Variants in STIM2 observed in about 807,000 individuals in gnomAD.
STIM2 encodes the protein stromal interaction molecule 2.
STIM2 carries 31 observed loss-of-function variants against 85.8 expected under a neutral mutation model. The ratio of observed to expected loss-of-function variants is 0.36; its 90% confidence interval spans 0.27 to 0.49. STIM2 has a LOEUF of 0.49. Ranked by LOEUF, STIM2 falls within the 20% of genes least tolerant of loss-of-function variation. The probability of loss-of-function intolerance (pLI) is 0.98; values close to 1 mark genes in which losing one functional copy is unlikely to be tolerated. For synonymous variants in STIM2, 356 were observed against 331.1 expected (o/e 1.08, Z -0.82); for missense variants, 841 against 927.6 (o/e 0.91, Z 1.21).
At chr4:26,907,614 A>C (rs1165542515) in intron 1 of STIM2, among the ~76,000 whole-genome samples, 1 of 152,160 alleles carries the variant, frequency 6.6e-6, no homozygotes, top group Non-Finnish European at 1.5e-5. Flanking sequence ...ACACTTTGCA[A>C]CTGTGCATTA....
intron 5 of STIM2, among the ~76,000 whole-genome samples, chr4:27,000,370 C>T: frequency 6.6e-6 from 1 of 152,130 alleles, no homozygotes; most frequent in East Asian, 1.9e-4. Context: ...GGAAATAGAA[C>T]ACTACTGAAA....
intron 1 of STIM2, among the ~76,000 whole-genome samples, chr4:26,881,079 A>G (rs1331376717): frequency 6.6e-6 from 1 of 152,146 alleles, no homozygotes; most frequent in Non-Finnish European, 1.5e-5. Context: ...CTAAACCTCA[A>G]GGTGATGGTG....
intron 1 of STIM2, among the ~76,000 whole-genome samples, chr4:26,871,035 G>A (rs1722591927): frequency 6.6e-6 from 1 of 152,096 alleles, no homozygotes; most frequent in Non-Finnish European, 1.5e-5. Flanking sequence ...GATTATTATA[G>A]GCATTGACAT....
chr4:26,922,209 CTGTT>C (rs1161921558), intron 2 of STIM2, among the ~76,000 whole-genome samples: 1 of 151,800 alleles, frequency 6.6e-6, no homozygotes, highest in Non-Finnish European at 1.5e-5. Flanking sequence ...CTCCTTTTCT[CTGTT>C]TGTATTATAT....
In STIM2 at chr4:27,022,715, G is replaced by T. The variant is rs1410686511; in HGVS notation, c.1960G>T (p.Val654Leu). 6.2e-7 allele frequency: 1 copy of T among 1,614,242 alleles called. No homozygotes were observed. Among genetic ancestry groups the T allele is most frequent in the African/African-American group, 1.3e-5 (1 of 75,056 alleles). Residue 654 changes from valine (V) to leucine (L), a missense_variant, in exon 12 of 12, where the codon GTA becomes TTA. Physicochemically the swap from Val to Leu is conservative, Grantham distance 32 (BLOSUM62 1). Transcript: ENST00000467087. ...TGTGTCTTGGGGTTCTCCCGACTGT[G>T]TAGGTCTGACAGAAACTAAGAGTAT...
chr4:26,901,798 C>G (rs1357359907), intron 1 of STIM2, among the ~76,000 whole-genome samples: 1 of 152,138 alleles, frequency 6.6e-6, no homozygotes, highest in Non-Finnish European at 1.5e-5. Flanking sequence ...AGGTCTGACT[C>G]CAGACTTGGT....
At chr4:26,878,814 A>G (rs986177116) in intron 1 of STIM2, among the ~76,000 whole-genome samples, 1 of 152,160 alleles carries the variant, frequency 6.6e-6, no homozygotes, top group African/African-American at 2.4e-5. Context: ...CACATCTTAC[A>G]TGGTGGCAGG....
chr4:27,018,468 GTCTCTCTGA>G (rs1181411333), intron 11 of STIM2, among the ~76,000 whole-genome samples: 1 of 152,082 alleles, frequency 6.6e-6, no homozygotes, highest in East Asian at 1.9e-4. Context: ...TCCAACTTCC[GTCTCTCTGA>G]TCTCTAGACT....
rs185408326 is a variant in STIM2 at position 26,989,141 on chromosome 4, G to T, written c.398-6238G>T. Among the ~76,000 whole-genome samples the T allele has an allele frequency of 5.2e-3, 785 of 152,194 alleles. 8 individuals are homozygous for T. Among genetic ancestry groups the T allele is most frequent in the African/African-American group, 0.018 (762 of 41,512 alleles). The stretch of plus-strand genomic sequence containing the variant: ...GTAGAGACAGGGTTTTGCCATGTTG[G>T]CCAGGCTGGTCTCGAACTCCTGTCC... On this transcript the variant is annotated intron_variant, in intron 3 of 11. Transcript: ENST00000467087.
chr4:26,964,402 G>A (rs779596193), intron 3 of STIM2, among the ~76,000 whole-genome samples: 8 of 152,122 alleles, frequency 5.3e-5, no homozygotes, highest in Non-Finnish European at 8.8e-5. Flanking sequence ...AGCTACTATA[G>A]CTTCTTGCTT....
At chr4:26,896,985 A>T (rs1169358752) in intron 1 of STIM2, among the ~76,000 whole-genome samples, 1 of 152,226 alleles carries the variant, frequency 6.6e-6, no homozygotes, top group Non-Finnish European at 1.5e-5. Flanking sequence ...TTCATTCAGC[A>T]TAATACTCTT....
At chr4:26,971,899 G>A (rs891578921) in intron 3 of STIM2, among the ~76,000 whole-genome samples, 11 of 152,022 alleles carry the variant, frequency 7.2e-5, no homozygotes, top group African/African-American at 2.7e-4. Flanking sequence ...ATTTGTTTGT[G>A]TCCTCTTTTA....
chr4:27,008,343 C>A (rs1188643184), intron 8 of STIM2, 85 bp from the exon 9 acceptor site: 2 of 768,210 alleles, frequency 2.6e-6, no homozygotes, highest in Non-Finnish European at 2.0e-6. Context: ...TATTCAAAAC[C>A]AAAACAAACT....
chr4:26,993,791 G>A (rs1022951683), intron 3 of STIM2, among the ~76,000 whole-genome samples: 1 of 152,052 alleles, frequency 6.6e-6, no homozygotes, highest in Non-Finnish European at 1.5e-5. Context: ...TATCTTTACT[G>A]TTATTTAGTA....
intron 2 of STIM2, among the ~76,000 whole-genome samples, chr4:26,930,517 A>C (rs1725167927): frequency 6.6e-6 from 1 of 152,124 alleles, no homozygotes; most frequent in Admixed American, 6.6e-5. Context: ...TATAAAACAA[A>C]ATCAACTTTA....
Position 26,860,949 on chromosome 4 carries a change from C to G in STIM2, c.-270C>G. ...CTTTTTTTTTTTTTTTTTTAAATAA[C>G]CGGAACCAATGAACGCAGCCGGGAT... On this transcript the variant is annotated 5_prime_UTR_variant, in exon 1 of 12. Coordinates refer to ENST00000467087, the MANE Select transcript of STIM2 (RefSeq NM_020860.4). The G allele has an allele frequency of 8.3e-7, 1 of 1,200,456 alleles. No individual in the cohort carries two copies. The highest frequency in any genetic ancestry group is 1.0e-6 in the Non-Finnish European group (1 of 954,086). 74.4% of individuals were successfully genotyped at this position (1,200,456 alleles called of 1,614,324 possible). A position where few individuals can be genotyped will look rare whatever the true frequency, so the allele number is the denominator to read the frequency against.
chr4:26,969,966 C>T (rs1726869117), intron 3 of STIM2, among the ~76,000 whole-genome samples: 1 of 151,584 alleles, frequency 6.6e-6, no homozygotes, highest in Non-Finnish European at 1.5e-5. Context: ...TCTTTTAGTA[C>T]AAAGTTTCAT....
In STIM2 at chr4:26,905,701, A is replaced by G. The variant is rs566228510; in HGVS notation, c.152-13803A>G. Among the ~76,000 whole-genome samples the G allele has an allele frequency of 1.5e-4, 23 of 152,332 alleles. No individual in the cohort carries two copies. In the South Asian group the frequency reaches 4.6e-3, roughly 30 times the overall value. On this transcript the variant is annotated intron_variant, in intron 1 of 11. Transcript: ENST00000467087. ...ATATAAATCGGCTAAATCCATGGCT[A>G]TGTATTAAATTTCTATGCTGATTTA... is the stretch of plus-strand genomic sequence containing the variant.
At chr4:26,922,503 T>C (rs1210977793) in intron 2 of STIM2, among the ~76,000 whole-genome samples, 1 of 152,144 alleles carries the variant, frequency 6.6e-6, no homozygotes, top group African/African-American at 2.4e-5. Flanking sequence ...ACTTTACTGG[T>C]TTATTTTAAA....
Sources: gnomAD v4.1 joint callset for allele counts (sites outside exome capture counted in the v4.1 genomes callset) on GRCh38, gnomAD v4.1.1 for gene constraint, MANE v1.5 for transcripts, NCBI Gene and HGNC (gene_info 2026-07-23, HGNC 2026-07-21) for gene names.